ZNF28: variants seen among roughly 807,000 people sequenced by gnomAD.
The protein encoded by ZNF28 is zinc finger protein 28.
A neutral mutation model predicts 7.2 loss-of-function variants in ZNF28; 5 were observed. The observed-to-expected ratio is 0.70, with a 90% CI of 0.36 to 1.46. The LOEUF (loss-of-function observed/expected upper bound fraction) is 1.46. Ranked by LOEUF, ZNF28 falls within the 40% of genes most tolerant of loss-of-function variation. The pLI is 0.03. For synonymous variants in ZNF28, 288 were observed against 292.4 expected (o/e 0.99, Z 0.15); for missense variants, 879 against 866.6 (o/e 1.01, Z -0.18).
At chr19:52,804,071 G>A (rs1474630929) in intron 3 of ZNF28, among the ~76,000 whole-genome samples, 2 of 152,150 alleles carry the variant, frequency 1.3e-5, no homozygotes, top group African/African-American at 4.8e-5. Context: ...CATGGGTGTC[G>A]ACTACTCATG....
chr19:52,809,406 A>G (rs1297531566), intron 2 of ZNF28, among the ~76,000 whole-genome samples: 1 of 152,256 alleles, frequency 6.6e-6, no homozygotes, highest in East Asian at 1.9e-4. Flanking sequence ...ATTCACAACT[A>G]GCAGGATGAA....
rs2051224523 is a variant in ZNF28, at chr19:52,799,378, T to C, written c.*310A>G. ...TGTGGTTTCTCTTCAGCATGCATTT[T>C]CTTATGTGTTTCAAGGTTTGATTTG... On this transcript the variant is annotated 3_prime_UTR_variant, in exon 4 of 4. Coordinates refer to ENST00000457749, the MANE Select transcript of ZNF28 (RefSeq NM_006969.5). 1 of 593,652 alleles carries C rather than the reference T, an allele frequency of 1.7e-6. No homozygotes were observed. Among genetic ancestry groups the C allele is most frequent in the Non-Finnish European group, 3.0e-6 (1 of 328,060 alleles). 36.8% of individuals were successfully genotyped at this position (593,652 alleles called of 1,614,324 possible). A position where few individuals can be genotyped will look rare whatever the true frequency, so the allele number is the denominator to read the frequency against.
intron 1 of ZNF28, among the ~76,000 whole-genome samples, chr19:52,820,687 T>G (rs1409410405): frequency 6.6e-6 from 1 of 152,160 alleles, no homozygotes; most frequent in Non-Finnish European, 1.5e-5. Context: ...CCTCCACATT[T>G]CTGCCCCTCT....
intron 2 of ZNF28, among the ~76,000 whole-genome samples, chr19:52,815,003 A>C (rs1364334758): frequency 6.8e-6 from 1 of 146,092 alleles, no homozygotes; most frequent in Non-Finnish European, 1.5e-5. Flanking sequence ...AGATGTTAAT[A>C]ACAAAGTGGT....
chr19:52,798,471 G>A lies in ZNF28; in HGVS notation c.*1217C>T. On this transcript the variant is annotated 3_prime_UTR_variant, in exon 4 of 4. Transcript: ENST00000457749. Reference sequence around the variant, plus strand: ...TCCAAAAGGAATTGTCTGATGGTCTGCAAGGAGTGATCTCGGACTGAAGAC... The same window carrying A: ...TCCAAAAGGAATTGTCTGATGGTCTACAAGGAGTGATCTCGGACTGAAGAC... 1 of 473,506 alleles carries A rather than the reference G, an allele frequency of 2.1e-6. No individual in the cohort carries two copies. The highest frequency in any genetic ancestry group is 1.6e-5 in the South Asian group (1 of 61,962). 29.3% of individuals were successfully genotyped at this position (473,506 alleles called of 1,614,324 possible).
At position 52,798,774 on chromosome 19, in the gene ZNF28, A is replaced by C; in HGVS notation, c.*914T>G. On this transcript the variant is annotated 3_prime_UTR_variant, in exon 4 of 4. Transcript: ENST00000457749. ...CTGTCACATTTATTACACTTGTAAGATCTCTCATTATGGATTCTCCAATGA... is the reference window on the plus strand; with the variant it reads ...CTGTCACATTTATTACACTTGTAAGCTCTCTCATTATGGATTCTCCAATGA... 1 of 671,950 alleles carries C rather than the reference A, an allele frequency of 1.5e-6. No individual in the cohort carries two copies. The highest frequency in any genetic ancestry group is 2.6e-6 in the Non-Finnish European group (1 of 388,670). The allele number at this position is 671,950 out of a possible 1,614,324, so 41.6% of individuals were successfully genotyped here.
chr19:52,798,900 G>T lies in ZNF28; in HGVS notation c.*788C>A. On this transcript the variant is annotated 3_prime_UTR_variant, in exon 4 of 4. Coordinates refer to ENST00000457749, the MANE Select transcript of ZNF28 (RefSeq NM_006969.5). ...GCTTGATGGTGAATAAGTGGTGACT[G>T]CCCACTAAAGGCTTTGCCACACTCA... 1 of 1,428,920 alleles carries T rather than the reference G, an allele frequency of 7.0e-7. No individual in the cohort carries two copies. The highest frequency in any genetic ancestry group is 9.5e-7 in the Non-Finnish European group (1 of 1,056,496). The allele number at this position is 1,428,920 out of a possible 1,614,324, so 88.5% of individuals were successfully genotyped here. A position where few individuals can be genotyped will look rare whatever the true frequency, so the allele number is the denominator to read the frequency against.
At chr19:52,806,734 T>C (rs1158216343) in intron 3 of ZNF28, among the ~76,000 whole-genome samples, 1 of 151,826 alleles carries the variant, frequency 6.6e-6, no homozygotes, top group Non-Finnish European at 1.5e-5. Flanking sequence ...AAACACTGTC[T>C]CTACTAAAAA....
rs113448342 is a variant in ZNF28, at chr19:52,806,591, A to G, written c.142+1416T>C. Among the ~76,000 whole-genome samples the G allele has an allele frequency of 1.0e-3, 159 of 151,840 alleles. 4 individuals are homozygous for G. The highest frequency in any genetic ancestry group is 3.5e-3 in the African/African-American group (146 of 41,202). ...TCTGCCCAAATATCTAAAGAACTAC[A>G]AGACAAAACTATTTAAAATAATAAC... On this transcript the variant is annotated intron_variant, in intron 3 of 3. Coordinates refer to ENST00000457749, the MANE Select transcript of ZNF28 (RefSeq NM_006969.5).
At chr19:52,818,661 C>G (rs1000918514) in intron 1 of ZNF28, among the ~76,000 whole-genome samples, 1 of 151,926 alleles carries the variant, frequency 6.6e-6, no homozygotes, top group African/African-American at 2.4e-5. Flanking sequence ...GACCCAAGAT[C>G]GCGCCACTCC....
At chr19:52,818,230 G>A (rs1329949971) in intron 1 of ZNF28, among the ~76,000 whole-genome samples, 199 bp from the exon 2 acceptor site, 2 of 152,154 alleles carry the variant, frequency 1.3e-5, no homozygotes, top group Non-Finnish European at 2.9e-5. Flanking sequence ...CAGCAGTGGG[G>A]AGCTGGGCTG....
intron 2 of ZNF28, chr19:52,810,146 G>A (rs780726969): frequency 3.3e-6 from 3 of 912,204 alleles, no homozygotes; most frequent in Non-Finnish European, 5.5e-6. Flanking sequence ...GTGACCCGGG[G>A]CTGGAAGCTA....
At chr19:52,812,867 A>T (rs1000863357) in intron 2 of ZNF28, among the ~76,000 whole-genome samples, 1 of 150,436 alleles carries the variant, frequency 6.6e-6, no homozygotes, top group Non-Finnish European at 1.5e-5. Context: ...CATCACCCTG[A>T]TTACTATAGT....
At position 52,801,591 on chromosome 19, in the gene ZNF28, A is replaced by G; in HGVS notation, c.254T>C (p.Phe85Ser). The part of the protein sequence containing the change: ...QRQASHHIGD[F>S]CFQKIEKDIH... ...GTCTTTCTCAATTTTCTGGAAGCAA[A>G]AATCTCCAATGTGATGACTTGCTTG... is the stretch of plus-strand genomic sequence containing the variant. Residue 85 changes from phenylalanine (F) to serine (S), a missense_variant, in exon 4 of 4, where the codon TTT becomes TCT. Transcript: ENST00000457749. 6.2e-7 allele frequency: 1 copy of G among 1,614,186 alleles called. No homozygotes were observed. Among genetic ancestry groups the G allele is most frequent in the Non-Finnish European group, 8.5e-7 (1 of 1,180,026 alleles).
At chr19:52,820,028 C>T (rs1292242232) in intron 1 of ZNF28, among the ~76,000 whole-genome samples, 1 of 145,012 alleles carries the variant, frequency 6.9e-6, no homozygotes, top group African/African-American at 2.7e-5. Context: ...TTGAGACCAA[C>T]CTGGCCAACA....
chr19:52,802,450 C>A (rs1402696879), intron 3 of ZNF28, among the ~76,000 whole-genome samples: 1 of 152,058 alleles, frequency 6.6e-6, no homozygotes, highest in Non-Finnish European at 1.5e-5. Context: ...GAGGGCAAGG[C>A]AGGCAGATCA....
At chr19:52,804,982 A>C (rs1220144009) in intron 3 of ZNF28, among the ~76,000 whole-genome samples, 1 of 152,206 alleles carries the variant, frequency 6.6e-6, no homozygotes, top group African/African-American at 2.4e-5. Context: ...AAAAAACTTG[A>C]GACAGGCCAG....
chr19:52,809,958 G>GA (rs1248567178), intron 2 of ZNF28: 1 of 817,036 alleles, frequency 1.2e-6, no homozygotes, highest in African/African-American at 1.7e-5. Context: ...GGGCGCAGGG[G>GA]ACGATGGGAA....
chr19:52,799,539 T>C lies in ZNF28; in HGVS notation c.*149A>G. On this transcript the variant is annotated 3_prime_UTR_variant, in exon 4 of 4. Coordinates refer to ENST00000457749, the MANE Select transcript of ZNF28 (RefSeq NM_006969.5). ...ACACTTGTAAAGTTTCTCTCCAGTATGAATGGCTTTGTGACTTACAAGGGT... is the reference window on the plus strand; with the variant it reads ...ACACTTGTAAAGTTTCTCTCCAGTACGAATGGCTTTGTGACTTACAAGGGT... 1 of 1,401,224 alleles carries C rather than the reference T, an allele frequency of 7.1e-7. No individual in the cohort carries two copies. Among genetic ancestry groups the C allele is most frequent in the Non-Finnish European group, 1.0e-6 (1 of 1,000,814 alleles). 86.8% of individuals were successfully genotyped at this position (1,401,224 alleles called of 1,614,324 possible).
Sources: allele counts gnomAD v4.1 joint callset (sites outside exome capture counted in the v4.1 genomes callset), GRCh38; gene constraint gnomAD v4.1.1; transcripts MANE v1.5; gene names NCBI Gene and HGNC (gene_info 2026-07-23, HGNC 2026-07-21).